Variants in FGD6 observed in about 807,000 individuals in gnomAD.
FGD6 encodes FYVE, RhoGEF and PH domain-containing protein 6.
Under a neutral mutation model 149.4 loss-of-function variants are expected in FGD6, and 90 were observed. That is an observed-to-expected ratio of 0.60 (90% confidence interval 0.51 to 0.72). The LOEUF (loss-of-function observed/expected upper bound fraction) is 0.72. FGD6 is among the 30% of genes least tolerant of loss of function. FGD6 has a pLI of 0.00. For synonymous variants in FGD6, 527 were observed against 584.0 expected, an observed-to-expected ratio of 0.90 and a Z score of 1.41; for missense variants, 1,437 against 1,684.8, an observed-to-expected ratio of 0.85 and a Z score of 2.57.
chr12:95,092,493 G>C lies in FGD6; in HGVS notation c.3747+206C>G, dbSNP rs146344545. On this transcript the variant is annotated intron_variant, in intron 16 of 20. Coordinates refer to ENST00000343958, the MANE Select transcript of FGD6 (RefSeq NM_018351.4). The stretch of plus-strand genomic sequence containing the variant: ...GTTCTAATGTAACTCTGAAGTAGGA[G>C]GGTGGAAGTTCACTAAGAAGATTGC... Among the ~76,000 whole-genome samples, 1,036 of 152,166 alleles carry C rather than the reference G, an allele frequency of 6.8e-3. 12 individuals are homozygous for C. The highest frequency in any genetic ancestry group is 0.022 in the African/African-American group (922 of 41,526).
intron 1 of FGD6, among the ~76,000 whole-genome samples, chr12:95,214,479 A>G (rs1247234073): frequency 6.6e-6 from 1 of 152,210 alleles, no homozygotes; most frequent in Non-Finnish European, 1.5e-5. Flanking sequence ...TCAAAAAATA[A>G]TAAGCCATTA....
intron 2 of FGD6, 74 bp from the exon 3 acceptor site, chr12:95,172,818 C>T (rs1881033037): frequency 2.4e-6 from 3 of 1,225,962 alleles, no homozygotes; most frequent in Non-Finnish European, 3.3e-6. Context: ...ACCAAATCAA[C>T]ATCTTATCTT....
intron 8 of FGD6, among the ~76,000 whole-genome samples, chr12:95,120,012 C>T (rs372955391): frequency 1.3e-5 from 2 of 152,068 alleles, no homozygotes; most frequent in African/African-American, 2.4e-5. Flanking sequence ...GGGAGGATCA[C>T]GATGTCAGGA....
chr12:95,128,099 C>T (rs952977110), intron 8 of FGD6, among the ~76,000 whole-genome samples: 2 of 152,112 alleles, frequency 1.3e-5, no homozygotes. Context: ...TTTTCATAAT[C>T]CTTAAATATT....
chr12:95,171,882 A>T (rs1880998642), intron 3 of FGD6, among the ~76,000 whole-genome samples: 1 of 152,094 alleles, frequency 6.6e-6, no homozygotes, highest in Non-Finnish European at 1.5e-5. Context: ...CCCCAAACTC[A>T]TACACACACT....
At chr12:95,082,038 T>C (rs1487645346) in intron 20 of FGD6, among the ~76,000 whole-genome samples, 2 of 152,182 alleles carry the variant, frequency 1.3e-5, no homozygotes, top group Non-Finnish European at 2.9e-5. Flanking sequence ...TTTGGTAATT[T>C]GGTCCAAAAT....
intron 2 of FGD6, among the ~76,000 whole-genome samples, chr12:95,180,066 G>GA (rs1881236257): frequency 1.6e-5 from 2 of 122,916 alleles, no homozygotes; most frequent in Admixed American, 1.9e-4. Flanking sequence ...CAATAAGAGC[G>GA]AAACTCTGCC....
intron 2 of FGD6, among the ~76,000 whole-genome samples, chr12:95,203,883 T>C (rs1261444692): frequency 6.6e-6 from 1 of 152,220 alleles, no homozygotes; most frequent in African/African-American, 2.4e-5. Context: ...ACTATTATTT[T>C]GCTGATTTGT....
rs898949363 is a variant in FGD6 at position 95,079,625 on chromosome 12, T to C, written c.*1895A>G. On this transcript the variant is annotated 3_prime_UTR_variant, in exon 21 of 21. Transcript: ENST00000343958. The stretch of plus-strand genomic sequence containing the variant: ...ACATGGAAGCCTTATTTATGTGATC[T>C]TGATTATATAAAATTGAGCTACAAA... 1.5e-4 allele frequency: 23 copies of C among 152,232 alleles called. No homozygotes were observed. The highest frequency in any genetic ancestry group is 5.5e-4 in the African/African-American group (23 of 41,468). 9.4% of individuals were successfully genotyped at this position (152,232 alleles called of 1,614,324 possible).
intron 2 of FGD6, among the ~76,000 whole-genome samples, chr12:95,207,125 G>C (rs1177794652): frequency 2.6e-5 from 4 of 151,870 alleles, no homozygotes; most frequent in African/African-American, 9.7e-5. Context: ...TTAATCACGG[G>C]GGCGGTTTTC....
At chr12:95,136,709 G>C (rs191649383) in intron 7 of FGD6, among the ~76,000 whole-genome samples, 1 of 152,324 alleles carries the variant, frequency 6.6e-6, no homozygotes, top group East Asian at 1.9e-4. Flanking sequence ...TAGGATAAAA[G>C]AAGAAGTTAA....
intron 13 of FGD6, 82 bp from the exon 14 acceptor site, chr12:95,105,168 C>G: frequency 8.6e-7 from 1 of 1,158,922 alleles, no homozygotes; most frequent in Non-Finnish European, 1.3e-6. Context: ...ATGGCCCTGG[C>G]TGCTTACATC....
At chr12:95,126,342 G>C in intron 8 of FGD6, 1 of 1,559,162 alleles carries the variant, frequency 6.4e-7, no homozygotes. Flanking sequence ...GGGTCAAAAA[G>C]CTCCAGCCCA....
At chr12:95,183,837 AAAC>A (rs1183516736) in intron 2 of FGD6, among the ~76,000 whole-genome samples, 2 of 152,204 alleles carry the variant, frequency 1.3e-5, no homozygotes, top group Non-Finnish European at 2.9e-5. Flanking sequence ...AACCTGTCTC[AAAC>A]AACAAAAACA....
intron 5 of FGD6, among the ~76,000 whole-genome samples, chr12:95,150,347 G>T (rs1225345120): frequency 6.6e-6 from 1 of 151,874 alleles, no homozygotes; most frequent in Non-Finnish European, 1.5e-5. Flanking sequence ...TTTAAATGCA[G>T]ACTATTTGTA....
chr12:95,164,240 T>C (rs200724522), intron 3 of FGD6, among the ~76,000 whole-genome samples: 4 of 139,792 alleles, frequency 2.9e-5, no homozygotes, highest in South Asian at 2.3e-4. Context: ...TTTTTTTTTT[T>C]CCTTCCTTTT....
At chr12:95,161,687 A>G (rs1252767669) in intron 3 of FGD6, among the ~76,000 whole-genome samples, 1 of 151,924 alleles carries the variant, frequency 6.6e-6, no homozygotes, top group Admixed American at 6.6e-5. Context: ...CAGAATTCAT[A>G]TTTCTTCTCC....
intron 7 of FGD6, 113 bp from the exon 8 acceptor site, chr12:95,134,939 C>T (rs751351665): frequency 2.7e-5 from 20 of 727,694 alleles, no homozygotes; most frequent in African/African-American, 3.6e-5. Flanking sequence ...GAAGGAGATT[C>T]GTAGAGAGGC....
rs76053767 is a variant in FGD6 at position 95,078,029 on chromosome 12, A to G, written c.*3491T>C. 5,122 of 152,162 alleles carry G rather than the reference A, an allele frequency of 0.034. 123 individuals carry two copies. Among genetic ancestry groups the G allele is most frequent in the Middle Eastern group, 0.078 (23 of 294 alleles). 9.4% of individuals were successfully genotyped at this position (152,162 alleles called of 1,614,324 possible). A position where few individuals can be genotyped will look rare whatever the true frequency, so the allele number is the denominator to read the frequency against. On this transcript the variant is annotated 3_prime_UTR_variant, in exon 21 of 21. Coordinates refer to ENST00000343958, the MANE Select transcript of FGD6 (RefSeq NM_018351.4). ...GAATCCTGTTTTCAATTGAACAAAT[A>G]TTTTCTCTTTAAAGACCCTCCTAGG...
Sources: allele counts gnomAD v4.1 joint callset (sites outside exome capture counted in the v4.1 genomes callset), GRCh38; gene constraint gnomAD v4.1.1; transcripts MANE v1.5; gene names NCBI Gene and HGNC (gene_info 2026-07-23, HGNC 2026-07-21).